Variants in SDK2 observed in about 807,000 individuals in gnomAD.
SDK2 encodes the protein protein sidekick-2.
SDK2 carries 105 observed loss-of-function variants against 253.9 expected under a neutral mutation model. That is an observed-to-expected ratio of 0.41 (90% CI 0.35 to 0.49). The LOEUF (loss-of-function observed/expected upper bound fraction) is 0.49, where lower values mean the gene tolerates loss of function less well. Among genes scored for constraint, SDK2 ranks in the 20% least tolerant of loss-of-function variants. The pLI, the probability that SDK2 is intolerant of heterozygous loss-of-function variation, is 0.06. For synonymous variants in SDK2, 1,249 were observed against 1,234.9 expected (o/e 1.01, Z -0.24); for missense variants, 2,608 against 3,003.0 (o/e 0.87, Z 3.07).
At chr17:73,389,179 CT>C in intron 29 of SDK2, among the ~76,000 whole-genome samples, 1 of 131,976 alleles carries the variant, frequency 7.6e-6, no homozygotes, top group South Asian at 2.5e-4. Context: ...GCTGATATTC[CT>C]TTCTTTTTTT....
At chr17:73,388,249 A>G (rs1455599066) in intron 29 of SDK2, among the ~76,000 whole-genome samples, 2 of 152,146 alleles carry the variant, frequency 1.3e-5, no homozygotes, top group African/African-American at 4.8e-5. Flanking sequence ...TCAGGCTCCT[A>G]GAGCCCCAGG....
chr17:73,366,705 C>T (rs1005738680), intron 37 of SDK2, among the ~76,000 whole-genome samples: 2 of 152,126 alleles, frequency 1.3e-5, no homozygotes, highest in African/African-American at 2.4e-5. Context: ...TGGGTGACCC[C>T]GGCTCATCGT....
chr17:73,626,058 G>A (rs1367527345), intron 1 of SDK2, among the ~76,000 whole-genome samples: 1 of 146,132 alleles, frequency 6.8e-6, no homozygotes, highest in African/African-American at 2.5e-5. Flanking sequence ...GCCAAGACCT[G>A]AGCACTGAGC....
Position 73,395,418 on chromosome 17 carries a change from C to A in SDK2, c.3355-26G>T. The A allele has an allele frequency of 6.3e-7, 1 of 1,593,078 alleles. No individual in the cohort carries two copies. Among genetic ancestry groups the A allele is most frequent in the Non-Finnish European group, 8.6e-7 (1 of 1,161,696 alleles). ...CTGCAGCGGGGCAGGGGTGGCAAAGCTGCTATGAGCCAGGCCCCCCACTGT... is the reference window on the plus strand; with the variant it reads ...CTGCAGCGGGGCAGGGGTGGCAAAGATGCTATGAGCCAGGCCCCCCACTGT... On this transcript the variant is annotated intron_variant, in intron 24 of 44. Transcript: ENST00000392650. The surrounding 1 kb of genome is among the most constrained non-coding windows in gnomAD (Gnocchi z 4.3).
chr17:73,637,761 C>T (rs898064214), intron 1 of SDK2, among the ~76,000 whole-genome samples: 1 of 152,192 alleles, frequency 6.6e-6, no homozygotes, highest in African/African-American at 2.4e-5. Context: ...AATGGTACAT[C>T]CATGTATGAA....
intron 2 of SDK2, among the ~76,000 whole-genome samples, chr17:73,494,311 G>A (rs1006743082): frequency 1.3e-5 from 2 of 152,180 alleles, no homozygotes; most frequent in Admixed American, 1.3e-4. Flanking sequence ...CTGTAAGACA[G>A]GGCTTGGCCT....
At chr17:73,469,988 GCGCGCACACACACACACA>G (rs2063633926) in intron 3 of SDK2, among the ~76,000 whole-genome samples, 1 of 112,366 alleles carries the variant, frequency 8.9e-6, no homozygotes. Flanking sequence ...GACTGCGCGC[GCGCGCACACACACACACA>G]CACACACACA....
intron 1 of SDK2, among the ~76,000 whole-genome samples, chr17:73,605,629 T>A (rs2045897901): frequency 6.6e-6 from 1 of 152,166 alleles, no homozygotes; most frequent in African/African-American, 2.4e-5. Flanking sequence ...GAAGGCCTCC[T>A]TGTTACCTAA....
intron 1 of SDK2, among the ~76,000 whole-genome samples, chr17:73,527,449 G>A (rs2064134774): frequency 2.0e-5 from 3 of 152,196 alleles, no homozygotes; most frequent in Admixed American, 6.5e-5. Flanking sequence ...GAGTTTGGAG[G>A]GAAAGACAGC....
intron 1 of SDK2, among the ~76,000 whole-genome samples, chr17:73,640,778 C>T (rs903673313): frequency 2.0e-5 from 3 of 152,158 alleles, no homozygotes; most frequent in African/African-American, 7.2e-5. Flanking sequence ...TCAGGGTTGT[C>T]CCCACTGCCT....
chr17:73,368,563 G>A lies in SDK2; in HGVS notation c.5011C>T (p.Leu1671Phe). ...AAAAGCGTCTTCACTCGCTCTGTGA[G>A]GTTCCCCCGCTGGGCTTCCCAGAAA... ...IYFWEAQRGNLTERVKTLFLA... is the reference protein window; with the variant it reads ...IYFWEAQRGNFTERVKTLFLA... Residue 1671 changes from leucine to phenylalanine, a missense_variant, in exon 37 of 45, where the codon CTC becomes TTC. By Grantham distance (22) the Leu-to-Phe change is conservative. Coordinates refer to ENST00000392650, the MANE Select transcript of SDK2 (RefSeq NM_001144952.2). The A allele has an allele frequency of 2.5e-6, 4 of 1,600,648 alleles. No individual in the cohort carries two copies. Among genetic ancestry groups the A allele is most frequent in the Non-Finnish European group, 3.4e-6 (4 of 1,174,220 alleles).
rs773917581 is a variant in SDK2 at position 73,399,242 on chromosome 17, G to A, written c.3019C>T (p.Arg1007Cys). Residue 1007 changes from arginine to cysteine, a missense_variant, in exon 22 of 45, where the codon CGC (arginine) becomes TGC (cysteine). This residue lies in a region of SDK2 where 1,505 missense variants were observed against 1,859.1 expected (regional missense o/e 0.81). Coordinates refer to ENST00000392650, the MANE Select transcript of SDK2 (RefSeq NM_001144952.2). ...GGCCTGAACTGCAAGGTCACAGAGC[G>A]GGGGCCGATGTTGGAAATGCCCAGG... ...TNLGISNIGP[R>C]SVTLQFRPGY... 5.6e-6 allele frequency: 9 copies of A among 1,613,714 alleles called. No homozygotes were observed. The highest frequency in any genetic ancestry group is 7.6e-6 in the Non-Finnish European group (9 of 1,179,760).
At chr17:73,349,548 T>C (rs1468995897) in intron 43 of SDK2, among the ~76,000 whole-genome samples, 1 of 151,990 alleles carries the variant, frequency 6.6e-6, no homozygotes, top group Non-Finnish European at 1.5e-5. Context: ...CCCTTGGAAA[T>C]GGGCAGCCCG....
chr17:73,334,528 A>T lies in SDK2; in HGVS notation c.*4059T>A, dbSNP rs937157077. 5 of 152,062 alleles carry T rather than the reference A, an allele frequency of 3.3e-5. No individual in the cohort carries two copies. The highest frequency in any genetic ancestry group is 7.2e-5 in the African/African-American group (3 of 41,392). The allele number at this position is 152,062 out of a possible 1,614,324, so 9.4% of individuals were successfully genotyped here. Reference sequence around the variant, plus strand: ...CACGCTATATGACATAGAGATATATATTTTTTTCTTACAGACAGACACCTG... The same window carrying T: ...CACGCTATATGACATAGAGATATATTTTTTTTTCTTACAGACAGACACCTG... On this transcript the variant is annotated 3_prime_UTR_variant, in exon 45 of 45. Coordinates refer to ENST00000392650, the MANE Select transcript of SDK2 (RefSeq NM_001144952.2).
chr17:73,596,172 G>A (rs1217146663), intron 1 of SDK2, among the ~76,000 whole-genome samples: 1 of 152,140 alleles, frequency 6.6e-6, no homozygotes, highest in Non-Finnish European at 1.5e-5. Flanking sequence ...GGCAGCTTTG[G>A]GACAGAGCCA....
chr17:73,592,328 G>C (rs1308203470), intron 1 of SDK2, among the ~76,000 whole-genome samples: 3 of 152,192 alleles, frequency 2.0e-5, no homozygotes, highest in African/African-American at 7.2e-5. Flanking sequence ...CTGCCAGCAG[G>C]GTTACACCTG....
At chr17:73,349,190 A>G (rs1418552392) in intron 43 of SDK2, among the ~76,000 whole-genome samples, 2 of 152,136 alleles carry the variant, frequency 1.3e-5, no homozygotes, top group African/African-American at 4.8e-5. Context: ...CGGGGCTGCT[A>G]TGGCCATGCT....
intron 1 of SDK2, among the ~76,000 whole-genome samples, chr17:73,509,872 C>A (rs559023951): frequency 1.0e-4 from 10 of 95,544 alleles, no homozygotes; most frequent in Non-Finnish European, 1.4e-4. Flanking sequence ...TGCACTCCAG[C>A]CTGAGCAACA....
At chr17:73,551,670 C>T (rs573699434) in intron 1 of SDK2, among the ~76,000 whole-genome samples, 1 of 152,344 alleles carries the variant, frequency 6.6e-6, no homozygotes, top group East Asian at 1.9e-4. Flanking sequence ...CTCCAACACA[C>T]TGTTTGCTAT....
Sources: gnomAD v4.1 joint callset for allele counts (sites outside exome capture counted in the v4.1 genomes callset) on GRCh38, gnomAD v4.1.1 for gene constraint, gnomAD v4.1.1 regional missense constraint, Gnocchi (gnomAD v3.1) non-coding constraint, MANE v1.5 for transcripts, NCBI Gene and HGNC (gene_info 2026-07-23, HGNC 2026-07-21) for gene names.